The following ZNF184 variants were observed in gnomAD, a reference collection of about 807,000 sequenced individuals.
ZNF184 encodes zinc finger protein 184, also known as zinc finger protein 184 (Kruppel-like).
Under a neutral mutation model 54.4 loss-of-function variants are expected in ZNF184, and 16 were observed. The observed-to-expected ratio is 0.29, with a 90% confidence interval of 0.20 to 0.45. The LOEUF (loss-of-function observed/expected upper bound fraction) is 0.45. Among genes scored for constraint, ZNF184 ranks in the 20% least tolerant of loss-of-function variants. ZNF184 has a pLI of 1.00. For missense variants in ZNF184, 681 were observed against 888.2 expected (o/e 0.77, Z 2.97); for synonymous variants, 254 against 295.3 (o/e 0.86, Z 1.43).
chr6:27,420,804 G>A, the ZNF184 span, among the ~76,000 whole-genome samples: 1 of 152,124 alleles, frequency 6.6e-6, no homozygotes, highest in Non-Finnish European at 1.5e-5. Context: ...CAATACAAAG[G>A]AGCAGCTTTA....
In ZNF184 at chr6:27,451,462, G is replaced by T. The variant is rs376889374; in HGVS notation, c.2097C>A (p.Asn699Lys). The change falls in exon 6 of 6, where the codon AAC (asparagine) becomes AAA (lysine). Residue 699 changes from asparagine to lysine, a missense_variant. Asn to Lys is a moderately conservative substitution (Grantham distance 94). Coordinates refer to ENST00000683788, the MANE Select transcript of ZNF184 (RefSeq NM_001318891.2). ...QNTHTGEKPY[N>K]CNECRKTFSQ... ...TAAAAGTCTTTCTGCATTCATTACAGTTATAAGGTTTCTCTCCAGTATGAG... is the reference window on the plus strand; with the variant it reads ...TAAAAGTCTTTCTGCATTCATTACATTTATAAGGTTTCTCTCCAGTATGAG... The T allele has an allele frequency of 6.2e-7, 1 of 1,614,010 alleles. No individual in the cohort carries two copies. The highest frequency in any genetic ancestry group is 8.5e-7 in the Non-Finnish European group (1 of 1,179,992).
the ZNF184 span, among the ~76,000 whole-genome samples, chr6:27,429,746 C>A: frequency 6.6e-6 from 1 of 152,174 alleles, no homozygotes; most frequent in Non-Finnish European, 1.5e-5. Flanking sequence ...AAAGGCTGAT[C>A]TCTATGGACT....
At position 27,453,134 on chromosome 6, in the gene ZNF184, T is replaced by C. The variant is rs748121781; in HGVS notation, c.425A>G (p.Glu142Gly). ...TAAACTGCCTTCATATTCCCAACTT[T>C]CTAGCAAGTTGGAACTCCAAGAATC... Reference protein sequence around the residue: ...RDDSWSSNLLESWEYEGSLER... With the variant: ...RDDSWSSNLLGSWEYEGSLER... Residue 142 changes from glutamate (E) to glycine (G), a missense_variant, in exon 6 of 6, where the codon GAA becomes GGA. Physicochemically the swap from Glu to Gly is moderately conservative, Grantham distance 98 (BLOSUM62 -2). Coordinates refer to ENST00000683788, the MANE Select transcript of ZNF184 (RefSeq NM_001318891.2). This position sits in a 1 kb window ranked among gnomAD's most constrained non-coding sequence, Gnocchi z 4.7. The C allele has an allele frequency of 1.2e-6, 2 of 1,614,148 alleles. No individual in the cohort carries two copies. Among genetic ancestry groups the C allele is most frequent in the African/African-American group, 1.3e-5 (1 of 75,052 alleles).
At chr6:27,468,001 A>G (rs1300885779) in intron 2 of ZNF184, 81 bp from the exon 3 acceptor site, 2 of 1,163,430 alleles carry the variant, frequency 1.7e-6, no homozygotes, top group African/African-American at 1.6e-5. Context: ...TTACTCTTCT[A>G]TTTGAAAATA....
chr6:27,405,646 A>G, the ZNF184 span: 1 of 152,278 alleles, frequency 6.6e-6, no homozygotes, highest in Non-Finnish European at 1.5e-5. Flanking sequence ...CCACTTCGCT[A>G]AAGTGGATGT....
chr6:27,470,240 C>G (rs990475647), intron 2 of ZNF184, among the ~76,000 whole-genome samples: 1 of 151,174 alleles, frequency 6.6e-6, no homozygotes, highest in Admixed American at 6.6e-5. Flanking sequence ...GAGTGTGAAA[C>G]CTGATAGAAA....
the ZNF184 span, among the ~76,000 whole-genome samples, chr6:27,426,750 C>G: frequency 0.011 from 1,706 of 152,316 alleles, 37 homozygotes; most frequent in African/African-American, 0.039. This position sits in a 1 kb window ranked among gnomAD's most constrained non-coding sequence, Gnocchi z 4.2. Context: ...ATTACTATTT[C>G]CTTCATTCTC....
downstream of ZNF184, among the ~76,000 whole-genome samples, chr6:27,446,062 C>T (rs1762633798): frequency 6.6e-6 from 1 of 152,234 alleles, no homozygotes; most frequent in African/African-American, 2.4e-5. Flanking sequence ...AATGTATAGC[C>T]TGGCCATATA....
chr6:27,451,197 A>T lies in ZNF184; in HGVS notation c.*106T>A. 1 of 1,347,470 alleles carries T rather than the reference A, an allele frequency of 7.4e-7. No individual in the cohort carries two copies. Among genetic ancestry groups the T allele is most frequent in the Non-Finnish European group, 1.0e-6 (1 of 996,756 alleles). The allele number at this position is 1,347,470 out of a possible 1,614,324, so 83.5% of individuals were successfully genotyped here. ...TTCCATAACATGATAGTGAAAATTT[A>T]AAAGATTTCAAGGCAGTTTCTAAAT... On this transcript the variant is annotated 3_prime_UTR_variant, in exon 6 of 6. Transcript: ENST00000683788.
At chr6:27,471,764 C>T (rs1302744115) in intron 2 of ZNF184, among the ~76,000 whole-genome samples, 1 of 152,150 alleles carries the variant, frequency 6.6e-6, no homozygotes, top group Non-Finnish European at 1.5e-5. Flanking sequence ...GTTTCCTTTT[C>T]TTTGGAGGAC....
At chr6:27,446,818 CAA>C (rs760132176), downstream of ZNF184, among the ~76,000 whole-genome samples, 2 of 152,160 alleles carry the variant, frequency 1.3e-5, no homozygotes, top group East Asian at 1.9e-4. Context: ...AGATGTAGGA[CAA>C]AGAGTCAAAG....
At chr6:27,432,446 A>T in the ZNF184 span, among the ~76,000 whole-genome samples, 1 of 152,248 alleles carries the variant, frequency 6.6e-6, no homozygotes, top group East Asian at 1.9e-4. The surrounding 1 kb of genome is among the most constrained non-coding windows in gnomAD (Gnocchi z 4.0). Flanking sequence ...TTTCTTAATT[A>T]AAGAGCTGCT....
chr6:27,444,793 C>T, the ZNF184 span, among the ~76,000 whole-genome samples: 1 of 152,324 alleles, frequency 6.6e-6, no homozygotes, highest in Admixed American at 6.5e-5. Flanking sequence ...TACTACCTCA[C>T]ATGCTGCCTA....
chr6:27,421,753 A>C, the ZNF184 span, among the ~76,000 whole-genome samples: 8 of 152,188 alleles, frequency 5.3e-5, no homozygotes, highest in African/African-American at 9.7e-5. Flanking sequence ...CGTCCGAGGC[A>C]ACTATGCATT....
At chr6:27,414,632 G>C in the ZNF184 span, among the ~76,000 whole-genome samples, 1 of 151,804 alleles carries the variant, frequency 6.6e-6, no homozygotes, top group African/African-American at 2.4e-5. Context: ...CACCTTCTAT[G>C]ACACCTTTTT....
At chr6:27,440,009 T>TA in the ZNF184 span, among the ~76,000 whole-genome samples, 4 of 151,370 alleles carry the variant, frequency 2.6e-5, no homozygotes, top group African/African-American at 7.3e-5. Flanking sequence ...CTTTATATGC[T>TA]AAAAAAAAAC....
At chr6:27,449,147 T>C (rs747118615), downstream of ZNF184, among the ~76,000 whole-genome samples, 79 of 152,252 alleles carry the variant, frequency 5.2e-4, no homozygotes, top group Admixed American at 1.6e-3. Context: ...AGTGGTTTAA[T>C]ATCTATAATC....
At position 27,472,295 on chromosome 6, in the gene ZNF184, C is replaced by A. The variant is rs767672429; in HGVS notation, c.-1G>T. ...CCAAGTCGACCCCACTACCTTCCAT[C>A]TCAGGAGCTCATCCCGTTCCTCTGG... On this transcript the variant is annotated 5_prime_UTR_variant, in exon 2 of 6. Transcript: ENST00000683788. This position sits in a 1 kb window ranked among gnomAD's most constrained non-coding sequence, Gnocchi z 4.8. 6.2e-7 allele frequency: 1 copy of A among 1,614,144 alleles called. No individual in the cohort carries two copies. Among genetic ancestry groups the A allele is most frequent in the South Asian group, 1.1e-5 (1 of 91,070 alleles).
At position 27,462,203 on chromosome 6, in the gene ZNF184, A is replaced by ATTTTT. The variant is rs916301155; in HGVS notation, c.76-4799_76-4795dup. On this transcript the variant is annotated intron_variant, in intron 3 of 5. Coordinates refer to ENST00000683788, the MANE Select transcript of ZNF184 (RefSeq NM_001318891.2). ...CTGCATCCCAGAATAAGGTTCAAGA[A>ATTTTT]TTTTTTTTTTTTGAGGCGGAGTTTC... is the stretch of plus-strand genomic sequence containing the variant. Among the ~76,000 whole-genome samples the ATTTTT allele has an allele frequency of 3.1e-4, 46 of 147,104 alleles. 1 individual carries two copies. The highest frequency in any genetic ancestry group is 1.0e-3 in the African/African-American group (42 of 40,318).
Sources: gnomAD v4.1 joint callset for allele counts (sites outside exome capture counted in the v4.1 genomes callset) on GRCh38, gnomAD v4.1.1 for gene constraint, Gnocchi (gnomAD v3.1) non-coding constraint, MANE v1.5 for transcripts, NCBI Gene and HGNC (gene_info 2026-07-23, HGNC 2026-07-21) for gene names.